The following GLIS3 variants were observed in gnomAD, a reference collection of about 807,000 sequenced individuals.
GLIS3 encodes zinc finger protein GLIS3.
Under a neutral mutation model 78.6 loss-of-function variants are expected in GLIS3, and 53 were observed. The observed-to-expected ratio is 0.67, with a 90% CI of 0.54 to 0.85. GLIS3 has a LOEUF of 0.85. Ranked by LOEUF, GLIS3 falls within the 40% of genes least tolerant of loss-of-function variation. The pLI is 0.00. For synonymous variants in GLIS3, 684 were observed against 509.9 expected (o/e 1.34, Z -4.60); for missense variants, 1,703 against 1,231.1 (o/e 1.38, Z -5.74).
the GLIS3 span, among the ~76,000 whole-genome samples, chr9:4,418,929 A>G: frequency 1.4e-4 from 22 of 152,338 alleles, no homozygotes; most frequent in East Asian, 1.9e-3. Context: ...CATGGTAGAA[A>G]TGTAGACTGT....
chr9:4,478,677 C>T, the GLIS3 span, among the ~76,000 whole-genome samples: 2 of 151,656 alleles, frequency 1.3e-5, no homozygotes, highest in Non-Finnish European at 2.9e-5. Flanking sequence ...GAAAACCAAC[C>T]AAGGGAAAGA....
At chr9:4,228,287 C>T (rs949566617) in intron 2 of GLIS3, among the ~76,000 whole-genome samples, 4 of 150,642 alleles carry the variant, frequency 2.7e-5, no homozygotes, top group Non-Finnish European at 5.9e-5. Flanking sequence ...TAAATGCTGA[C>T]GGGACCTCTA....
At chr9:4,389,698 C>T in the GLIS3 span, among the ~76,000 whole-genome samples, 1 of 152,182 alleles carries the variant, frequency 6.6e-6, no homozygotes, top group Non-Finnish European at 1.5e-5. Flanking sequence ...TACAAAAACA[C>T]CTGCATTTGA....
At chr9:4,453,359 A>AAAAG in the GLIS3 span, among the ~76,000 whole-genome samples, 7 of 146,496 alleles carry the variant, frequency 4.8e-5, no homozygotes, top group African/African-American at 1.9e-4. Flanking sequence ...AAAAAAAAAA[A>AAAAG]AAAAAGAAAA....
At chr9:4,166,756 G>T (rs1019657093) in intron 2 of GLIS3, among the ~76,000 whole-genome samples, 1 of 152,198 alleles carries the variant, frequency 6.6e-6, no homozygotes, top group African/African-American at 2.4e-5. Context: ...TGAACAGAGG[G>T]TCTTCAGTCT....
chr9:4,189,983 G>A (rs535645336), intron 2 of GLIS3, among the ~76,000 whole-genome samples: 51 of 152,208 alleles, frequency 3.4e-4, no homozygotes, highest in Non-Finnish European at 5.7e-4. Flanking sequence ...CTGTCTGTTA[G>A]AAGGAAAACC....
At chr9:4,031,846 G>A (rs1428970360) in intron 4 of GLIS3, among the ~76,000 whole-genome samples, 1 of 152,128 alleles carries the variant, frequency 6.6e-6, no homozygotes, top group African/African-American at 2.4e-5. Flanking sequence ...TACAATAAAG[G>A]TTCTTTTTAA....
intron 2 of GLIS3, among the ~76,000 whole-genome samples, chr9:4,263,913 C>T (rs1278323017): frequency 6.6e-6 from 1 of 152,112 alleles, no homozygotes; most frequent in African/African-American, 2.4e-5. Flanking sequence ...AGTTATTGGC[C>T]ATTTTCTCCA....
intron 2 of GLIS3, among the ~76,000 whole-genome samples, chr9:4,135,674 T>G (rs904802423): frequency 1.3e-5 from 2 of 152,194 alleles, no homozygotes; most frequent in African/African-American, 4.8e-5. Flanking sequence ...AGGCATAGTA[T>G]CAATCCAAGC....
intron 4 of GLIS3, among the ~76,000 whole-genome samples, chr9:4,085,291 A>C (rs1828924562): frequency 6.6e-6 from 1 of 151,630 alleles, no homozygotes; most frequent in Non-Finnish European, 1.5e-5. Context: ...TCCTCCATTT[A>C]AGCATTGATA....
At chr9:4,406,976 G>A in the GLIS3 span, among the ~76,000 whole-genome samples, 7 of 152,080 alleles carry the variant, frequency 4.6e-5, no homozygotes, top group Non-Finnish European at 7.4e-5. Context: ...AAAAGACCCA[G>A]AATAGCCAAA....
At chr9:4,207,376 C>T (rs980084999) in intron 2 of GLIS3, among the ~76,000 whole-genome samples, 14 of 152,172 alleles carry the variant, frequency 9.2e-5, no homozygotes, top group African/African-American at 2.9e-4. Flanking sequence ...CAAATAATCG[C>T]TGGTGATTTA....
chr9:4,434,415 G>C, the GLIS3 span, among the ~76,000 whole-genome samples: 2 of 152,010 alleles, frequency 1.3e-5, no homozygotes, highest in East Asian at 1.9e-4. Flanking sequence ...CTGTCTATGG[G>C]CTCAAAAAAA....
intron 2 of GLIS3, among the ~76,000 whole-genome samples, chr9:4,172,173 T>C (rs1311142307): frequency 6.6e-6 from 1 of 152,198 alleles, no homozygotes; most frequent in Non-Finnish European, 1.5e-5. Context: ...TAAATCCACA[T>C]GAATATGTAT....
chr9:4,372,013 T>G, the GLIS3 span, among the ~76,000 whole-genome samples: 1 of 152,194 alleles, frequency 6.6e-6, no homozygotes, highest in East Asian at 1.9e-4. Flanking sequence ...CCTCCATGAA[T>G]AGGTCTGGTC....
intron 2 of GLIS3, among the ~76,000 whole-genome samples, chr9:4,250,809 G>A (rs191497772): frequency 6.6e-6 from 1 of 152,150 alleles, no homozygotes; most frequent in African/African-American, 2.4e-5. Flanking sequence ...CTGGTACGTT[G>A]TGTCTTTGTT....
intron 2 of GLIS3, among the ~76,000 whole-genome samples, chr9:4,138,530 G>A (rs939826653): frequency 6.6e-6 from 1 of 152,210 alleles, no homozygotes; most frequent in African/African-American, 2.4e-5. Context: ...GGCAGGAGGA[G>A]AGGGGGCAAT....
the GLIS3 span, among the ~76,000 whole-genome samples, chr9:4,398,731 C>T: frequency 3.3e-5 from 5 of 151,474 alleles, no homozygotes; most frequent in African/African-American, 1.2e-4. Context: ...CTCTGTCACC[C>T]AGCTGGAGTC....
chr9:4,042,605 T>C (rs980227118), intron 4 of GLIS3, among the ~76,000 whole-genome samples: 3 of 152,198 alleles, frequency 2.0e-5, no homozygotes, highest in Non-Finnish European at 2.9e-5. Flanking sequence ...CTGAGCAATT[T>C]ATGTAAGCCC....
Sources: gnomAD v4.1 joint callset for allele counts (sites outside exome capture counted in the v4.1 genomes callset) on GRCh38, gnomAD v4.1.1 for gene constraint, MANE v1.5 for transcripts, NCBI Gene and HGNC (gene_info 2026-07-23, HGNC 2026-07-21) for gene names.